Variants in PTPRK observed in about 807,000 individuals in gnomAD.
The protein encoded by PTPRK is protein tyrosine phosphatase receptor type K.
Under a neutral mutation model 178.0 loss-of-function variants are expected in PTPRK, and 75 were observed. That is an observed-to-expected ratio of 0.42 (90% CI 0.35 to 0.51). The LOEUF is 0.51. Among genes scored for constraint, PTPRK ranks in the 20% least tolerant of loss-of-function variants. The pLI is 0.02. For missense variants in PTPRK, 1,441 were observed against 1,797.8 expected (o/e 0.80, Z 3.59); for synonymous variants, 637 against 620.6 (o/e 1.03, Z -0.39).
At chr6:128,388,404 C>A (rs1165708118) in intron 2 of PTPRK, among the ~76,000 whole-genome samples, 2 of 152,152 alleles carry the variant, frequency 1.3e-5, no homozygotes, top group Non-Finnish European at 2.9e-5. Flanking sequence ...AATCACTGAG[C>A]CACTGAATGA....
chr6:128,419,590 C>T (rs1220957311), intron 1 of PTPRK, among the ~76,000 whole-genome samples: 4 of 145,824 alleles, frequency 2.7e-5, no homozygotes, highest in African/African-American at 5.1e-5. Context: ...CCAGCCTGGG[C>T]GACAGAGCGA....
intron 3 of PTPRK, among the ~76,000 whole-genome samples, chr6:128,283,409 T>C (rs1176704582): frequency 6.6e-6 from 1 of 152,196 alleles, no homozygotes; most frequent in Non-Finnish European, 1.5e-5. Flanking sequence ...GAGAAGAATT[T>C]CTCAGTTATA....
intron 1 of PTPRK, among the ~76,000 whole-genome samples, chr6:128,420,231 T>C (rs765381398): frequency 1.2e-4 from 18 of 152,134 alleles, no homozygotes; most frequent in East Asian, 3.9e-4. Flanking sequence ...CTGAATCAAA[T>C]TGAAAGAAAA....
At chr6:128,162,350 G>A (rs150006261) in intron 7 of PTPRK, among the ~76,000 whole-genome samples, 1 of 151,270 alleles carries the variant, frequency 6.6e-6, no homozygotes, top group East Asian at 1.9e-4. Context: ...GTGTCTTTGC[G>A]TGTGTTTATA....
At position 128,089,261 on chromosome 6, in the gene PTPRK, GC is replaced by G. The variant is rs1354176713; in HGVS notation, c.1465+428del. 3.3e-5 allele frequency among the ~76,000 whole-genome samples: 5 copies of G among 152,130 alleles called. 1 individual carries two copies. The highest frequency in any genetic ancestry group is 1.5e-5 in the Non-Finnish European group (1 of 68,012). Reference sequence around the variant, plus strand: ...TTACAGGCATGAACCACTACACCCGGCCCAACAGTGTTGTTTTCAAATGTGA... The same window carrying G: ...TTACAGGCATGAACCACTACACCCGGCCAACAGTGTTGTTTTCAAATGTGA... On this transcript the variant is annotated intron_variant, in intron 8 of 29. Transcript: ENST00000368226.
intron 1 of PTPRK, among the ~76,000 whole-genome samples, chr6:128,405,663 T>G (rs1241481734): frequency 6.6e-6 from 1 of 152,184 alleles, no homozygotes; most frequent in Non-Finnish European, 1.5e-5. Flanking sequence ...TACTGATTAC[T>G]GGTGGGCTCC....
At chr6:128,341,036 C>T (rs1191504857) in intron 2 of PTPRK, among the ~76,000 whole-genome samples, 1 of 152,086 alleles carries the variant, frequency 6.6e-6, no homozygotes. Context: ...TCAGGAACTG[C>T]ACAATATCTG....
intron 3 of PTPRK, among the ~76,000 whole-genome samples, chr6:128,316,322 A>G (rs1238635045): frequency 6.6e-6 from 1 of 152,214 alleles, no homozygotes; most frequent in Non-Finnish European, 1.5e-5. Context: ...CTCCTAAGTA[A>G]GAAAAAATCA....
intron 1 of PTPRK, among the ~76,000 whole-genome samples, chr6:128,406,019 C>A (rs1841606904): frequency 6.6e-6 from 1 of 151,500 alleles, no homozygotes; most frequent in African/African-American, 2.4e-5. Flanking sequence ...AAAAAAAGAA[C>A]ACTTTTTTAA....
At chr6:128,085,565 A>G (rs1375192971) in intron 8 of PTPRK, among the ~76,000 whole-genome samples, 1 of 152,222 alleles carries the variant, frequency 6.6e-6, no homozygotes, top group Non-Finnish European at 1.5e-5. Flanking sequence ...ACCTAACACA[A>G]TTTAGCCTAC....
chr6:128,514,565 C>T (rs2128445178), intron 1 of PTPRK, among the ~76,000 whole-genome samples: 1 of 152,272 alleles, frequency 6.6e-6, no homozygotes. Context: ...CAGCACTGCC[C>T]TGTTCATCAT....
At chr6:128,473,235 T>A (rs914602681) in intron 1 of PTPRK, among the ~76,000 whole-genome samples, 1 of 151,938 alleles carries the variant, frequency 6.6e-6, no homozygotes, top group Non-Finnish European at 1.5e-5. Context: ...TCTATTTGGA[T>A]TTGTCTGATA....
intron 7 of PTPRK, among the ~76,000 whole-genome samples, chr6:128,175,396 C>G (rs559686001): frequency 6.6e-6 from 1 of 151,788 alleles, no homozygotes. Context: ...AAAAAAGGTA[C>G]ATTCATGATC....
intron 2 of PTPRK, among the ~76,000 whole-genome samples, chr6:128,364,569 G>C (rs747340227): frequency 9.9e-5 from 15 of 151,972 alleles, no homozygotes; most frequent in Non-Finnish European, 1.9e-4. Context: ...GCCTTAATAA[G>C]GCATTGTTAA....
chr6:128,393,380 C>T (rs1355421417), intron 2 of PTPRK, among the ~76,000 whole-genome samples: 2 of 152,102 alleles, frequency 1.3e-5, no homozygotes, highest in Non-Finnish European at 2.9e-5. Context: ...TGAGCCACCA[C>T]GCCCGGCTGT....
At chr6:128,214,041 T>C (rs1468342539) in intron 6 of PTPRK, among the ~76,000 whole-genome samples, 1 of 152,154 alleles carries the variant, frequency 6.6e-6, no homozygotes, top group African/African-American at 2.4e-5. Context: ...TGATTTCAAC[T>C]AAACAATTTT....
chr6:128,468,272 C>T (rs1310982953), intron 1 of PTPRK, among the ~76,000 whole-genome samples: 1 of 152,172 alleles, frequency 6.6e-6, no homozygotes, highest in Non-Finnish European at 1.5e-5. Flanking sequence ...GGAATATTAA[C>T]AGGCTGACAT....
chr6:128,380,502 A>T (rs1438034216), intron 2 of PTPRK, among the ~76,000 whole-genome samples: 1 of 150,476 alleles, frequency 6.6e-6, no homozygotes, highest in Non-Finnish European at 1.5e-5. Flanking sequence ...TGTCTAATAC[A>T]TTCTTGGAAA....
At chr6:128,294,309 A>G (rs1472725039) in intron 3 of PTPRK, among the ~76,000 whole-genome samples, 1 of 152,078 alleles carries the variant, frequency 6.6e-6, no homozygotes, top group African/African-American at 2.4e-5. Context: ...TGATTAAATC[A>G]CAGCCTTTCC....
Sources: allele counts gnomAD v4.1 joint callset (sites outside exome capture counted in the v4.1 genomes callset), GRCh38; gene constraint gnomAD v4.1.1; transcripts MANE v1.5; gene names NCBI Gene and HGNC (gene_info 2026-07-23, HGNC 2026-07-21).